TAFA2: variants seen among roughly 807,000 people sequenced by gnomAD.
TAFA2 encodes TAFA chemokine like family member 2, also known as chemokine-like protein TAFA-2.
In TAFA2, 7 loss-of-function variants were observed where a neutral mutation model predicts 18.8. The observed-to-expected ratio is 0.37, with a 90% confidence interval of 0.21 to 0.70. The LOEUF (loss-of-function observed/expected upper bound fraction) is 0.70, where lower values mean the gene tolerates loss of function less well. Among genes scored for constraint, TAFA2 ranks in the 30% least tolerant of loss-of-function variants. TAFA2 has a pLI of 0.53. For missense variants in TAFA2, 122 were observed against 158.1 expected, an observed-to-expected ratio of 0.77 and a Z score of 1.23; for synonymous variants, 60 against 54.2, an observed-to-expected ratio of 1.11 and a Z score of -0.47.
chr12:61,744,301 T>G (rs916060896), intron 4 of TAFA2, among the ~76,000 whole-genome samples: 3 of 152,112 alleles, frequency 2.0e-5, no homozygotes, highest in African/African-American at 7.2e-5. Flanking sequence ...TGGAGTAACA[T>G]CTACAGATTA....
At chr12:61,770,433 C>T (rs1869977582) in intron 2 of TAFA2, among the ~76,000 whole-genome samples, 1 of 152,078 alleles carries the variant, frequency 6.6e-6, no homozygotes, top group South Asian at 2.1e-4. Flanking sequence ...GTTACATAGT[C>T]ATCAGGTTAT....
rs74098715 is a variant in TAFA2 at position 62,134,324 on chromosome 12, G to A, written c.-2+56935C>T. ...ATGAGGTCCTAAGCATGGAGCACACGATGAGATTAGTGCCCTTATAAACAG... is the reference window on the plus strand; with the variant it reads ...ATGAGGTCCTAAGCATGGAGCACACAATGAGATTAGTGCCCTTATAAACAG... On this transcript the variant is annotated intron_variant, in intron 1 of 4. Coordinates refer to ENST00000416284, the MANE Select transcript of TAFA2 (RefSeq NM_178539.5). 6.6e-3 allele frequency among the ~76,000 whole-genome samples: 1,002 copies of A among 151,976 alleles called. 15 individuals carry two copies. The highest frequency in any genetic ancestry group is 0.024 in the African/African-American group (975 of 41,462).
At chr12:61,953,996 G>A (rs1183736042) in intron 1 of TAFA2, among the ~76,000 whole-genome samples, 1 of 152,132 alleles carries the variant, frequency 6.6e-6, no homozygotes, top group Non-Finnish European at 1.5e-5. Context: ...AGAAATTAAA[G>A]ACGTACAAGT....
intron 1 of TAFA2, among the ~76,000 whole-genome samples, chr12:61,990,188 A>C (rs1308711096): frequency 6.6e-6 from 1 of 152,164 alleles, no homozygotes; most frequent in Non-Finnish European, 1.5e-5. Flanking sequence ...CAGTATAATG[A>C]AAAAAGCCAT....
intron 2 of TAFA2, among the ~76,000 whole-genome samples, chr12:61,850,219 A>T (rs935042896): frequency 6.6e-6 from 1 of 152,114 alleles, no homozygotes; most frequent in Non-Finnish European, 1.5e-5. Context: ...AGCTCCTCAG[A>T]GGGCAAAATT....
chr12:61,918,252 A>G (rs911512778), intron 1 of TAFA2, among the ~76,000 whole-genome samples: 3 of 152,092 alleles, frequency 2.0e-5, no homozygotes, highest in African/African-American at 7.2e-5. Flanking sequence ...GGTCTTATTT[A>G]TTGTTTTTAA....
intron 4 of TAFA2, among the ~76,000 whole-genome samples, chr12:61,748,265 G>C (rs1002422710): frequency 6.6e-6 from 1 of 152,108 alleles, no homozygotes; most frequent in East Asian, 1.9e-4. Context: ...AGATCACTAA[G>C]TAAGATGTAT....
intron 1 of TAFA2, among the ~76,000 whole-genome samples, chr12:61,887,844 T>G (rs1301221352): frequency 6.6e-6 from 1 of 151,738 alleles, no homozygotes; most frequent in Non-Finnish European, 1.5e-5. Context: ...TTGTTGGACA[T>G]TTGGGTTGGT....
intron 1 of TAFA2, among the ~76,000 whole-genome samples, chr12:62,149,219 T>C (rs1289288849): frequency 6.6e-6 from 1 of 152,210 alleles, no homozygotes; most frequent in East Asian, 1.9e-4. Flanking sequence ...AGAATCAATA[T>C]GGATAGGAAT....
At chr12:61,797,289 A>G (rs1412350410) in intron 2 of TAFA2, among the ~76,000 whole-genome samples, 1 of 152,156 alleles carries the variant, frequency 6.6e-6, no homozygotes, top group African/African-American at 2.4e-5. Flanking sequence ...AAAATCATCC[A>G]TCAGCTCACT....
intron 1 of TAFA2, among the ~76,000 whole-genome samples, chr12:62,215,737 C>G (rs946681905): frequency 7.2e-6 from 1 of 138,230 alleles, no homozygotes; most frequent in Non-Finnish European, 1.5e-5. Context: ...AGAGAAACAA[C>G]TTGTTTCTCA....
At chr12:62,093,966 T>C (rs373369814) in intron 1 of TAFA2, among the ~76,000 whole-genome samples, 18 of 152,170 alleles carry the variant, frequency 1.2e-4, no homozygotes, top group African/African-American at 3.9e-4. Context: ...TAAGTATGTA[T>C]TGAGCAACTG....
At chr12:62,094,785 A>C (rs1215150669) in intron 1 of TAFA2, among the ~76,000 whole-genome samples, 2 of 152,054 alleles carry the variant, frequency 1.3e-5, no homozygotes, top group African/African-American at 4.8e-5. Flanking sequence ...AGAGACTACC[A>C]AAAATCACAT....
chr12:62,090,103 C>T (rs910141394), intron 1 of TAFA2, among the ~76,000 whole-genome samples: 1 of 152,032 alleles, frequency 6.6e-6, no homozygotes, highest in African/African-American at 2.4e-5. Flanking sequence ...CTCATTTTAC[C>T]TAACATTAGT....
intron 1 of TAFA2, among the ~76,000 whole-genome samples, chr12:61,885,211 T>C (rs1404616560): frequency 6.6e-6 from 1 of 152,180 alleles, no homozygotes; most frequent in Non-Finnish European, 1.5e-5. Flanking sequence ...CATATCCAGG[T>C]CCTCTGATTA....
intron 1 of TAFA2, among the ~76,000 whole-genome samples, chr12:62,043,627 A>T (rs1001867424): frequency 2.3e-4 from 35 of 152,190 alleles, no homozygotes; most frequent in Admixed American, 1.2e-3. Context: ...AATAAAATTT[A>T]AAAAAAAGAA....
chr12:61,938,984 G>T (rs1877887489), intron 1 of TAFA2, among the ~76,000 whole-genome samples: 1 of 151,636 alleles, frequency 6.6e-6, no homozygotes, highest in Non-Finnish European at 1.5e-5. Context: ...CAGGTGGCGG[G>T]TGCACCAAAA....
intron 4 of TAFA2, among the ~76,000 whole-genome samples, chr12:61,753,043 A>G (rs1236825656): frequency 6.6e-6 from 1 of 152,016 alleles, no homozygotes; most frequent in African/African-American, 2.4e-5. Flanking sequence ...AGTAATTACA[A>G]AGCTGAAATA....
At chr12:61,775,112 G>A (rs774145533) in intron 2 of TAFA2, among the ~76,000 whole-genome samples, 2 of 151,766 alleles carry the variant, frequency 1.3e-5, no homozygotes, top group Non-Finnish European at 2.9e-5. Context: ...ACTGAAATGA[G>A]ATATCACTAT....
Sources: allele counts gnomAD v4.1 joint callset (sites outside exome capture counted in the v4.1 genomes callset), GRCh38; gene constraint gnomAD v4.1.1; transcripts MANE v1.5; gene names NCBI Gene and HGNC (gene_info 2026-07-23, HGNC 2026-07-21).